The following FOCAD variants were observed in gnomAD, a reference collection of about 807,000 sequenced individuals.
The protein encoded by FOCAD is KIAA1797.
FOCAD carries 198 observed loss-of-function variants against 225.6 expected under a neutral mutation model. The ratio of observed to expected loss-of-function variants is 0.88; its 90% confidence interval spans 0.78 to 0.99. The LOEUF (loss-of-function observed/expected upper bound fraction) is 0.99. FOCAD is among the 50% of genes least tolerant of loss of function. The pLI is 0.00. For synonymous variants in FOCAD, 897 were observed against 755.0 expected (o/e 1.19, Z -3.08); for missense variants, 2,713 against 2,123.6 (o/e 1.28, Z -5.46).
intron 20 of FOCAD, among the ~76,000 whole-genome samples, chr9:20,884,790 G>A (rs181683501): frequency 4.9e-4 from 74 of 151,954 alleles, no homozygotes; most frequent in Middle Eastern, 3.4e-3. Context: ...AGCTGGGCGC[G>A]GTGGCTCACA....
At chr9:20,796,933 G>A (rs949366950) in intron 11 of FOCAD, among the ~76,000 whole-genome samples, 3 of 152,016 alleles carry the variant, frequency 2.0e-5, no homozygotes, top group Non-Finnish European at 2.9e-5. Flanking sequence ...TTCTTCTAGG[G>A]TTTTTATGGT....
chr9:20,762,198 A>G (rs867753145), intron 6 of FOCAD, among the ~76,000 whole-genome samples: 1 of 152,216 alleles, frequency 6.6e-6, no homozygotes, highest in African/African-American at 2.4e-5. Flanking sequence ...TTAAAGAGAG[A>G]TGGAGAAGGA....
chr9:20,905,302 A>G (rs1330006453), intron 21 of FOCAD, among the ~76,000 whole-genome samples: 2 of 152,002 alleles, frequency 1.3e-5, no homozygotes, highest in African/African-American at 4.8e-5. Context: ...GTTTCCTGGC[A>G]TGAATGTTTT....
intron 21 of FOCAD, among the ~76,000 whole-genome samples, chr9:20,899,361 T>A (rs1383006461): frequency 6.6e-6 from 1 of 151,930 alleles, no homozygotes; most frequent in Non-Finnish European, 1.5e-5. Flanking sequence ...ATTCATCAGC[T>A]ATGATTCAGG....
At position 20,976,420 on chromosome 9, in the gene FOCAD, G is replaced by T; in HGVS notation, c.4133G>T (p.Gly1378Val). The change falls in exon 36 of 44, where the codon GGT becomes GTT. Residue 1378 changes from glycine (G) to valine (V), a missense_variant and splice_region_variant. Physicochemically the swap from Gly to Val is moderately radical, Grantham distance 109 (BLOSUM62 -3). Coordinates refer to ENST00000338382, the MANE Select transcript of FOCAD (RefSeq NM_001375567.1). ...TATTATTTTTCACTGTCTGTTATAGGTCCTGAATCTGTGCCTCCTTCCCTT... is the reference window on the plus strand; with the variant it reads ...TATTATTTTTCACTGTCTGTTATAGTTCCTGAATCTGTGCCTCCTTCCCTT... ...IGFFITGGKK[G>V]PESVPPSLLK... The T allele has an allele frequency of 6.2e-7, 1 of 1,612,668 alleles. No homozygotes were observed. Among genetic ancestry groups the T allele is most frequent in the Admixed American group, 1.7e-5 (1 of 59,966 alleles).
At chr9:20,659,233 C>G (rs1001610941) in intron 2 of FOCAD, among the ~76,000 whole-genome samples, 3 of 142,952 alleles carry the variant, frequency 2.1e-5, no homozygotes, top group Non-Finnish European at 4.6e-5. Context: ...CCCCCCGCCC[C>G]ACACAAAAAA....
At chr9:20,716,084 C>T (rs1234695268) in intron 2 of FOCAD, 4 of 447,834 alleles carry the variant, frequency 8.9e-6, no homozygotes, top group South Asian at 5.2e-5. Flanking sequence ...CAATTAACTT[C>T]GGAGATGTCT....
intron 5 of FOCAD, among the ~76,000 whole-genome samples, chr9:20,744,967 T>C (rs1179807856): frequency 1.3e-5 from 2 of 152,188 alleles, no homozygotes; most frequent in African/African-American, 2.4e-5. Context: ...TTTCTAGTTA[T>C]ACTAATTAAC....
At chr9:20,674,854 G>C (rs74775486) in intron 2 of FOCAD, among the ~76,000 whole-genome samples, 6,382 of 152,278 alleles carry the variant, frequency 0.042, 155 homozygotes, top group Middle Eastern at 0.068. Context: ...TAAGAAGCCT[G>C]ATTGAATAGA....
chr9:20,821,273 T>G lies in FOCAD; in HGVS notation c.1793+202T>G, dbSNP rs376873941. Among the ~76,000 whole-genome samples the G allele has an allele frequency of 2.7e-4, 41 of 152,206 alleles. No homozygotes were observed. In the South Asian group the frequency reaches 8.3e-3, roughly 31 times the overall value. ...GTATGTCTTTTCTTTTCAGGACTAG[T>G]CTTGTATCTAGGTTCGTAGGATATT... is the stretch of plus-strand genomic sequence containing the variant. On this transcript the variant is annotated intron_variant, in intron 14 of 43. Coordinates refer to ENST00000338382, the MANE Select transcript of FOCAD (RefSeq NM_001375567.1).
Position 20,969,351 on chromosome 9 carries a change from A to G in FOCAD, c.4133-7069A>G, listed in dbSNP as rs542910966. Among the ~76,000 whole-genome samples, 41 of 152,138 alleles carry G rather than the reference A, an allele frequency of 2.7e-4. 1 individual carries two copies. Among genetic ancestry groups the G allele is most frequent in the Admixed American group, 2.2e-3 (34 of 15,282 alleles). On this transcript the variant is annotated intron_variant, in intron 35 of 43. Coordinates refer to ENST00000338382, the MANE Select transcript of FOCAD (RefSeq NM_001375567.1). ...CATTAATCATACGTCTAGATATTCT[A>G]TCTAGTATTGAAGGTAGAGTATTGA... is the stretch of plus-strand genomic sequence containing the variant.
At chr9:20,770,336 T>C in intron 8 of FOCAD, 98 bp downstream of exon 8, 24 of 1,098,790 alleles carry the variant, frequency 2.2e-5, no homozygotes, top group Non-Finnish European at 2.8e-5. Context: ...TGGCTTACAG[T>C]CTGGCAGGCT....
intron 21 of FOCAD, among the ~76,000 whole-genome samples, chr9:20,892,435 G>A (rs1288441158): frequency 1.3e-5 from 2 of 152,154 alleles, no homozygotes; most frequent in Admixed American, 1.3e-4. Context: ...AAGAGGTCAA[G>A]ATATCAATGT....
chr9:20,974,322 C>T lies in FOCAD; in HGVS notation c.4133-2098C>T, dbSNP rs534228791. Among the ~76,000 whole-genome samples the T allele has an allele frequency of 3.6e-3, 467 of 129,924 alleles. 11 individuals carry two copies. Among genetic ancestry groups the T allele is most frequent in the African/African-American group, 0.014 (443 of 31,938 alleles). The allele number at this position is 129,924 out of a possible 152,430, so 85.2% of individuals were successfully genotyped here. ...CATCTGTTCATGGCCTCTGCTTCTC[C>T]TTTGTCCTATGTTTGTCCTTTCTGT... On this transcript the variant is annotated intron_variant, in intron 35 of 43. Transcript: ENST00000338382.
In FOCAD at chr9:20,995,631, C is replaced by G; in HGVS notation, c.*2C>G. 1.9e-6 allele frequency: 3 copies of G among 1,611,462 alleles called. No homozygotes were observed. The highest frequency in any genetic ancestry group is 2.5e-6 in the Non-Finnish European group (3 of 1,177,968). ...TGGACCAGAGCATATGGTTGGTGAA[C>G]AGTTTTGCAGTAACCAGCAGCATTC... On this transcript the variant is annotated 3_prime_UTR_variant, in exon 44 of 44. Coordinates refer to ENST00000338382, the MANE Select transcript of FOCAD (RefSeq NM_001375567.1).
At chr9:20,844,931 T>C (rs1184210024) in intron 15 of FOCAD, among the ~76,000 whole-genome samples, 1 of 152,156 alleles carries the variant, frequency 6.6e-6, no homozygotes, top group Non-Finnish European at 1.5e-5. Context: ...TCCTTCTATA[T>C]TTGACAACTT....
chr9:20,801,105 G>A (rs1157309494), intron 11 of FOCAD, among the ~76,000 whole-genome samples: 1 of 152,060 alleles, frequency 6.6e-6, no homozygotes, highest in East Asian at 1.9e-4. Flanking sequence ...GAGTTTGCCG[G>A]AGGTCCACTC....
intron 27 of FOCAD, among the ~76,000 whole-genome samples, 163 bp from the exon 28 acceptor site, chr9:20,932,851 A>G (rs1246373553): frequency 2.0e-5 from 3 of 152,162 alleles, no homozygotes; most frequent in Admixed American, 2.0e-4. Flanking sequence ...TAGTTTCTGT[A>G]ACTACCAAAT....
chr9:20,812,294 G>A (rs572990579), intron 11 of FOCAD, among the ~76,000 whole-genome samples: 82 of 151,780 alleles, frequency 5.4e-4, no homozygotes, highest in African/African-American at 1.9e-3. Flanking sequence ...TAGTAATAAA[G>A]TATGAGCTAT....
Sources: allele counts gnomAD v4.1 joint callset (sites outside exome capture counted in the v4.1 genomes callset), GRCh38; gene constraint gnomAD v4.1.1; transcripts MANE v1.5; gene names NCBI Gene and HGNC (gene_info 2026-07-23, HGNC 2026-07-21).